Variants in TSHZ1 observed in about 807,000 individuals in gnomAD.
TSHZ1 encodes teashirt homolog 1.
TSHZ1 carries 12 observed loss-of-function variants against 67.1 expected under a neutral mutation model. The ratio of observed to expected loss-of-function variants is 0.18; its 90% CI spans 0.11 to 0.29. TSHZ1 has a LOEUF of 0.29. TSHZ1 is among the 10% of genes least tolerant of loss of function. TSHZ1 has a pLI of 1.00. For synonymous variants in TSHZ1, 632 were observed against 622.4 expected, an observed-to-expected ratio of 1.02 and a Z score of -0.23; for missense variants, 1,305 against 1,413.9, an observed-to-expected ratio of 0.92 and a Z score of 1.23.
chr18:75,246,032 C>G (rs2023217537), intron 1 of TSHZ1, among the ~76,000 whole-genome samples: 1 of 152,224 alleles, frequency 6.6e-6, no homozygotes. Flanking sequence ...CAAACACCAC[C>G]TCACCGCCCT....
intron 1 of TSHZ1, among the ~76,000 whole-genome samples, chr18:75,218,572 T>C (rs1197897557): frequency 6.6e-6 from 1 of 152,218 alleles, no homozygotes; most frequent in East Asian, 1.9e-4. Flanking sequence ...ACTTTCATCA[T>C]TGTAAGTCGT....
intron 1 of TSHZ1, among the ~76,000 whole-genome samples, chr18:75,265,614 G>A (rs1047922257): frequency 4.6e-5 from 7 of 152,034 alleles, no homozygotes; most frequent in African/African-American, 9.7e-5. Context: ...TTTTTATTAC[G>A]CAAAAATGTG....
At chr18:75,231,915 T>TTATG in intron 1 of TSHZ1, among the ~76,000 whole-genome samples, 1 of 151,578 alleles carries the variant, frequency 6.6e-6, no homozygotes, top group East Asian at 1.9e-4. Flanking sequence ...GATGCCTTAT[T>TTATG]TATTTATTTT....
At chr18:75,247,863 C>CTT (rs34014801) in intron 1 of TSHZ1, among the ~76,000 whole-genome samples, 74,570 of 142,812 alleles carry the variant, frequency 0.52, 19,386 homozygotes, top group Middle Eastern at 0.61. Context: ...TCAGACCTTA[C>CTT]TTTTTTTTTT....
chr18:75,280,121 A>G (rs888541223), intron 1 of TSHZ1, among the ~76,000 whole-genome samples: 1 of 152,262 alleles, frequency 6.6e-6, no homozygotes, highest in Non-Finnish European at 1.5e-5. Flanking sequence ...CCATGTCATT[A>G]AAACATACTT....
At chr18:75,212,218 G>T (rs1599365284) in intron 1 of TSHZ1, among the ~76,000 whole-genome samples, 1 of 152,230 alleles carries the variant, frequency 6.6e-6, no homozygotes, top group African/African-American at 2.4e-5. Context: ...ACCTCAGGAG[G>T]GGGCGTGCGC....
At position 75,288,424 on chromosome 18, in the gene TSHZ1, A is replaced by G. The variant is rs750288838; in HGVS notation, c.3017A>G (p.Asn1006Ser). ...SLKDLSKLPL[N>S]QIQEQQNVSK... ...AAGGATCTCTCCAAGCTGCCACTCA[A>G]TCAGATTCAAGAACAGCAGAATGTT... Residue 1006 changes from asparagine to serine, a missense_variant, in exon 2 of 2, where the codon AAT (asparagine) becomes AGT (serine). By Grantham distance (46) the Asn-to-Ser change is conservative (BLOSUM62 1). Around this residue, in one of 3 missense-constraint regions of TSHZ1, gnomAD observed 909 missense variants for 961.8 expected, o/e 0.95. Coordinates refer to ENST00000580243, the MANE Select transcript of TSHZ1 (RefSeq NM_001308210.2). This position sits in a 1 kb window ranked among gnomAD's most constrained non-coding sequence, Gnocchi z 4.9. 73 of 1,614,074 alleles carry G rather than the reference A, an allele frequency of 4.5e-5. No individual in the cohort carries two copies. The highest frequency in any genetic ancestry group is 5.8e-5 in the Non-Finnish European group (69 of 1,180,034).
At chr18:75,285,274 A>G in intron 1 of TSHZ1, 174 bp from the exon 2 acceptor site, 1 of 641,486 alleles carries the variant, frequency 1.6e-6, no homozygotes. Context: ...AGGAGGGGAC[A>G]GCACCTTTTG....
chr18:75,248,115 A>T (rs1408338361), intron 1 of TSHZ1, among the ~76,000 whole-genome samples: 1 of 152,232 alleles, frequency 6.6e-6, no homozygotes, highest in South Asian at 2.1e-4. Context: ...TGAAAAATAT[A>T]TGTGAGCTTA....
rs2022664923 is a variant in TSHZ1, at chr18:75,210,805, C to T, written c.-1072C>T. ...CGATGTGTCTGTCTATCAGTTGAGA[C>T]TGTCTGAAAGCTCTGCGATCCGAAT... On this transcript the variant is annotated 5_prime_UTR_variant, in exon 1 of 2. Coordinates refer to ENST00000580243, the MANE Select transcript of TSHZ1 (RefSeq NM_001308210.2). The T allele has an allele frequency of 6.6e-6, 1 of 150,794 alleles. No individual in the cohort carries two copies. Among genetic ancestry groups the T allele is most frequent in the African/African-American group, 2.4e-5 (1 of 40,918 alleles). The allele number at this position is 150,794 out of a possible 1,614,324, so 9.3% of individuals were successfully genotyped here. A position where few individuals can be genotyped will look rare whatever the true frequency, so the allele number is the denominator to read the frequency against.
Position 75,288,861 on chromosome 18 carries a change from C to A in TSHZ1, c.*220C>A. 1 of 628,032 alleles carries A rather than the reference C, an allele frequency of 1.6e-6. No individual in the cohort carries two copies. Among genetic ancestry groups the A allele is most frequent in the East Asian group, 3.5e-5 (1 of 28,902 alleles). 38.9% of individuals were successfully genotyped at this position (628,032 alleles called of 1,614,324 possible). A position where few individuals can be genotyped will look rare whatever the true frequency, so the allele number is the denominator to read the frequency against. On this transcript the variant is annotated 3_prime_UTR_variant, in exon 2 of 2. Transcript: ENST00000580243. This position sits in a 1 kb window ranked among gnomAD's most constrained non-coding sequence, Gnocchi z 4.9. ...GTCAAAGTCTGACCTTTATTTTCAA[C>A]ATCTGTTCTTGGTGTTAAGCTATCT...
intron 1 of TSHZ1, among the ~76,000 whole-genome samples, chr18:75,250,318 G>A (rs369306797): frequency 1.3e-5 from 2 of 152,084 alleles, no homozygotes; most frequent in Admixed American, 6.5e-5. Flanking sequence ...CCACACCCTC[G>A]CCCCACTTGC....
chr18:75,240,302 G>A lies in TSHZ1; in HGVS notation c.40+28386G>A, dbSNP rs568149130. Among the ~76,000 whole-genome samples the A allele has an allele frequency of 4.0e-5, 6 of 149,810 alleles. No individual in the cohort carries two copies. The East Asian group carries it at 7.7e-4, about 19-fold the overall frequency. The stretch of plus-strand genomic sequence containing the variant: ...AGTGATATTTCTTAAAAATTTTAAG[G>A]ATAGTGAATCTTACAGATTTTAAGG... On this transcript the variant is annotated intron_variant, in intron 1 of 1. Coordinates refer to ENST00000580243, the MANE Select transcript of TSHZ1 (RefSeq NM_001308210.2).
At chr18:75,251,036 T>C (rs985103741) in intron 1 of TSHZ1, among the ~76,000 whole-genome samples, 1 of 152,228 alleles carries the variant, frequency 6.6e-6, no homozygotes, top group African/African-American at 2.4e-5. Context: ...TCTCCTATTT[T>C]TGTAGGATCT....
intron 1 of TSHZ1, among the ~76,000 whole-genome samples, chr18:75,241,862 A>G (rs969885508): frequency 3.3e-5 from 5 of 149,990 alleles, no homozygotes; most frequent in Non-Finnish European, 5.9e-5. Context: ...CTTGTGGTGC[A>G]TCACACCAGT....
intron 1 of TSHZ1, among the ~76,000 whole-genome samples, chr18:75,280,254 C>A (rs1306270338): frequency 6.6e-6 from 1 of 152,218 alleles, no homozygotes. Flanking sequence ...GTATAAGGGA[C>A]ATCTTTGTGC....
At chr18:75,216,230 G>A (rs1357268259) in intron 1 of TSHZ1, among the ~76,000 whole-genome samples, 2 of 152,048 alleles carry the variant, frequency 1.3e-5, no homozygotes, top group Admixed American at 6.5e-5. Flanking sequence ...TAGCATAACT[G>A]TTAGCAAACA....
At chr18:75,255,262 G>A (rs761491448) in intron 1 of TSHZ1, among the ~76,000 whole-genome samples, 27 of 152,052 alleles carry the variant, frequency 1.8e-4, no homozygotes, top group Non-Finnish European at 3.5e-4. Flanking sequence ...TTGAATTCAC[G>A]TCTGCCTGTT....
intron 1 of TSHZ1, among the ~76,000 whole-genome samples, chr18:75,276,022 T>G (rs929587662): frequency 3.3e-5 from 5 of 152,234 alleles, no homozygotes; most frequent in African/African-American, 1.2e-4. Flanking sequence ...GTTTAAGCTC[T>G]GATTTGTGCT....
Sources: gnomAD v4.1 joint callset for allele counts (sites outside exome capture counted in the v4.1 genomes callset) on GRCh38, gnomAD v4.1.1 for gene constraint, gnomAD v4.1.1 regional missense constraint, Gnocchi (gnomAD v3.1) non-coding constraint, MANE v1.5 for transcripts, NCBI Gene and HGNC (gene_info 2026-07-23, HGNC 2026-07-21) for gene names.